MSMB: variants seen among roughly 807,000 people sequenced by gnomAD.
MSMB encodes beta-microseminoprotein.
In MSMB, 10 loss-of-function variants were observed where a neutral mutation model predicts 10.5. The ratio of observed to expected loss-of-function variants is 0.95; its 90% CI spans 0.59 to 1.62. The LOEUF is 1.62. Among genes scored for constraint, MSMB ranks in the 40% most tolerant of loss-of-function variants. The pLI, the probability that MSMB is intolerant of heterozygous loss-of-function variation, is 0.00. For missense variants in MSMB, 126 were observed against 137.4 expected (o/e 0.92, Z 0.42); for synonymous variants, 43 against 46.5 (o/e 0.93, Z 0.30).
At chr10:46,033,739 A>C (rs1344883846) in intron 3 of MSMB, among the ~76,000 whole-genome samples, 188 bp from the exon 4 acceptor site, 1 of 152,170 alleles carries the variant, frequency 6.6e-6, no homozygotes, top group African/African-American at 2.4e-5. Context: ...GCTCACCCCT[A>C]CATTCCATCC....
intron 2 of MSMB, among the ~76,000 whole-genome samples, chr10:46,039,513 T>A (rs545521592): frequency 2.6e-5 from 4 of 152,336 alleles, no homozygotes; most frequent in African/African-American, 9.6e-5. Context: ...AAGCCACCCA[T>A]GTCTCAGCCT....
chr10:46,043,477 T>C (rs1444149152), intron 1 of MSMB, among the ~76,000 whole-genome samples: 8 of 142,952 alleles, frequency 5.6e-5, no homozygotes, highest in African/African-American at 1.7e-4. Context: ...TTTCCTTCCC[T>C]GTAAAAAGAG....
chr10:46,040,136 A>C, intron 1 of MSMB, 45 bp from the exon 2 acceptor site: 1 of 1,536,372 alleles, frequency 6.5e-7, no homozygotes, highest in South Asian at 1.1e-5. Context: ...ATTAATTCAA[A>C]GGATAATCCT....
chr10:46,041,468 C>T (rs567185427), intron 1 of MSMB, among the ~76,000 whole-genome samples: 6 of 151,866 alleles, frequency 4.0e-5, no homozygotes, highest in African/African-American at 7.2e-5. Context: ...TATGAAGTGA[C>T]GCTACTTGAA....
chr10:46,044,097 C>T (rs111682261), intron 1 of MSMB, among the ~76,000 whole-genome samples: 1 of 152,168 alleles, frequency 6.6e-6, no homozygotes, highest in East Asian at 1.9e-4. Context: ...GGCTCTAAAG[C>T]TTTTTTCATT....
intron 1 of MSMB, 86 bp from the exon 2 acceptor site, chr10:46,040,177 T>A: frequency 2.7e-6 from 3 of 1,128,306 alleles, no homozygotes; most frequent in Non-Finnish European, 2.6e-6. Context: ...GGATCTCGGC[T>A]GGGCTCTGCT....
chr10:46,039,045 G>T lies in MSMB; in HGVS notation c.136C>A (p.His46Asn). Residue 46 changes from histidine to asparagine, a missense_variant, in exon 3 of 4, where the codon CAC becomes AAC. Physicochemically the swap from His to Asn is moderately conservative, Grantham distance 68. Coordinates refer to ENST00000582163, the MANE Select transcript of MSMB (RefSeq NM_002443.4). ...RKCMDLKGNKHPINSEWQTDN... is the reference protein window; with the variant it reads ...RKCMDLKGNKNPINSEWQTDN... The stretch of plus-strand genomic sequence containing the variant: ...GTCTGCCACTCCGAGTTTATTGGGT[G>T]TTTGTTTCCTTTGAGATCCATGCAT... 4 of 1,614,076 alleles carry T rather than the reference G, an allele frequency of 2.5e-6. No individual in the cohort carries two copies. The highest frequency in any genetic ancestry group is 3.4e-6 in the Non-Finnish European group (4 of 1,179,974).
intron 2 of MSMB, among the ~76,000 whole-genome samples, 160 bp from the exon 3 acceptor site, chr10:46,039,231 G>A (rs185974227): frequency 4.6e-5 from 7 of 152,198 alleles, no homozygotes; most frequent in East Asian, 1.9e-4. Flanking sequence ...ATTCACCCAC[G>A]GCTAATTCCA....
intron 3 of MSMB, among the ~76,000 whole-genome samples, chr10:46,034,171 G>A (rs1468924868): frequency 2.0e-5 from 3 of 152,120 alleles, no homozygotes; most frequent in Non-Finnish European, 4.4e-5. Flanking sequence ...GGAGTGCAGT[G>A]GCACGATCTC....
chr10:46,038,929 A>G (rs1364774179), intron 3 of MSMB, 37 bp downstream of exon 3: 2 of 1,554,502 alleles, frequency 1.3e-6, no homozygotes, highest in Non-Finnish European at 1.8e-6. Flanking sequence ...GAGAACAGCT[A>G]TGTCCCCCTC....
intron 2 of MSMB, 52 bp from the exon 3 acceptor site, chr10:46,039,123 G>C: frequency 6.6e-7 from 1 of 1,513,580 alleles, no homozygotes; most frequent in Non-Finnish European, 9.1e-7. Context: ...TGAGAACAAG[G>C]CCTATCAGGA....
chr10:46,046,152 TG>T, intron 1 of MSMB, 82 bp downstream of exon 1: 1 of 1,358,184 alleles, frequency 7.4e-7, no homozygotes, highest in Non-Finnish European at 1.1e-6. Context: ...CAATGCTATG[TG>T]GTAGAAGCAC....
At chr10:46,040,188 G>T in intron 1 of MSMB, 97 bp from the exon 2 acceptor site, 1 of 974,528 alleles carries the variant, frequency 1.0e-6, no homozygotes, top group Non-Finnish European at 1.5e-6. Context: ...GGGCTCTGCT[G>T]AGAGGTTATG....
chr10:46,039,647 T>G (rs1840697695), intron 2 of MSMB, among the ~76,000 whole-genome samples: 1 of 152,166 alleles, frequency 6.6e-6, no homozygotes, highest in Admixed American at 6.5e-5. Context: ...TTTGGGAGGC[T>G]GTGGCGGGCA....
At chr10:46,041,498 T>A (rs4134357) in intron 1 of MSMB, among the ~76,000 whole-genome samples, 46,337 of 152,116 alleles carry the variant, frequency 0.3, 10,218 homozygotes, top group African/African-American at 0.63. Context: ...TACTCATATA[T>A]GAATAGAAAG....
intron 3 of MSMB, among the ~76,000 whole-genome samples, chr10:46,034,315 G>T (rs782166245): frequency 6.6e-6 from 1 of 151,176 alleles, no homozygotes; most frequent in Admixed American, 6.6e-5. Context: ...GGGTCGGCGC[G>T]GGGGAGGTCT....
chr10:46,033,570 T>G lies in MSMB; in HGVS notation c.216-19A>C. ...AGAAACACTGTCATTGAGACAAAAC[T>G]GGGGCCTGTTAGAAGAGAAAGGACC... is the stretch of plus-strand genomic sequence containing the variant. On this transcript the variant is annotated intron_variant, in intron 3 of 3. Transcript: ENST00000582163. 1 of 1,612,212 alleles carries G rather than the reference T, an allele frequency of 6.2e-7. No homozygotes were observed. The highest frequency in any genetic ancestry group is 1.1e-5 in the South Asian group (1 of 91,038).
chr10:46,040,115 G>T (rs1554928258), intron 1 of MSMB, 24 bp from the exon 2 acceptor site: 1 of 1,592,754 alleles, frequency 6.3e-7, no homozygotes, highest in South Asian at 1.1e-5. Context: ...AAAGGTCAGG[G>T]TGGAGAATGA....
intron 3 of MSMB, among the ~76,000 whole-genome samples, chr10:46,037,571 G>C (rs782075527): frequency 1.6e-4 from 25 of 152,102 alleles, no homozygotes; most frequent in Non-Finnish European, 2.4e-4. Flanking sequence ...CATCTGCATA[G>C]CCTTTGGGCT....
Sources: allele counts gnomAD v4.1 joint callset (sites outside exome capture counted in the v4.1 genomes callset), GRCh38; gene constraint gnomAD v4.1.1; transcripts MANE v1.5; gene names NCBI Gene and HGNC (gene_info 2026-07-23, HGNC 2026-07-21).